Variants in NCKAP5 observed in about 807,000 individuals in gnomAD.
NCKAP5 encodes the protein nck-associated protein 5.
In NCKAP5, 92 loss-of-function variants were observed where a neutral mutation model predicts 167.0. The observed-to-expected ratio is 0.55, with a 90% confidence interval of 0.47 to 0.66. The LOEUF is 0.66. Among genes scored for constraint, NCKAP5 ranks in the 30% least tolerant of loss-of-function variants. The pLI, the probability that NCKAP5 is intolerant of heterozygous loss-of-function variation, is 0.00. For synonymous variants in NCKAP5, 891 were observed against 877.4 expected (o/e 1.02, Z -0.27); for missense variants, 2,378 against 2,315.0 (o/e 1.03, Z -0.56).
At chr2:133,672,643 C>T in the NCKAP5 span, among the ~76,000 whole-genome samples, 1 of 152,158 alleles carries the variant, frequency 6.6e-6, no homozygotes, top group Non-Finnish European at 1.5e-5. Flanking sequence ...GTCTCTGTTG[C>T]AACTACTCAG....
intron 4 of NCKAP5, among the ~76,000 whole-genome samples, chr2:133,282,274 C>T (rs1430924123): frequency 6.6e-6 from 1 of 152,124 alleles, no homozygotes; most frequent in Non-Finnish European, 1.5e-5. Flanking sequence ...TTTGTACCTG[C>T]CACCCTGGTC....
the NCKAP5 span, among the ~76,000 whole-genome samples, chr2:133,586,716 T>A: frequency 1.3e-5 from 2 of 150,088 alleles, no homozygotes; most frequent in Admixed American, 1.3e-4. Context: ...TGGGGTACAA[T>A]CATTGGCACT....
chr2:132,894,354 A>C (rs1692967089), intron 8 of NCKAP5, among the ~76,000 whole-genome samples: 1 of 152,242 alleles, frequency 6.6e-6, no homozygotes, highest in Non-Finnish European at 1.5e-5. Flanking sequence ...CAGGGCGATA[A>C]GGTCTTTAAT....
chr2:132,738,344 C>G (rs1691712693), intron 16 of NCKAP5, among the ~76,000 whole-genome samples: 1 of 152,208 alleles, frequency 6.6e-6, no homozygotes. Flanking sequence ...CACAGCATCA[C>G]TGGGCCTGAA....
chr2:132,680,973 T>C (rs749711199), intron 19 of NCKAP5, among the ~76,000 whole-genome samples: 34 of 152,216 alleles, frequency 2.2e-4, no homozygotes, highest in Admixed American at 3.9e-4. Flanking sequence ...CCTTTAATAA[T>C]GCTTCCGATT....
intron 6 of NCKAP5, 59 bp downstream of exon 6, chr2:133,129,919 G>T: frequency 6.7e-7 from 1 of 1,495,248 alleles, no homozygotes; most frequent in Non-Finnish European, 8.9e-7. Context: ...AATCCAAGGT[G>T]TTACTGGTGC....
chr2:133,482,178 A>C (rs893873102), intron 3 of NCKAP5, among the ~76,000 whole-genome samples: 4 of 151,920 alleles, frequency 2.6e-5, no homozygotes, highest in African/African-American at 9.7e-5. Context: ...ATGGGTGAAT[A>C]GTATTACATT....
At chr2:132,702,206 G>A (rs1444439417) in intron 19 of NCKAP5, among the ~76,000 whole-genome samples, 1 of 152,140 alleles carries the variant, frequency 6.6e-6, no homozygotes, top group Non-Finnish European at 1.5e-5. Context: ...AATAGGCAAT[G>A]CATGGGGTGG....
rs893468396 is a variant in NCKAP5, at chr2:133,501,472, T to TA, written c.69+15985dup. Among the ~76,000 whole-genome samples the TA allele has an allele frequency of 6.6e-5, 10 of 151,972 alleles. 1 individual carries two copies. The highest frequency in any genetic ancestry group is 2.2e-4 in the African/African-American group (9 of 41,382). On this transcript the variant is annotated intron_variant, in intron 3 of 19. Transcript: ENST00000409261. ...ATGATTTCTTTTGGAAGATTTCACC[T>TA]AAAAAAAAGTACTGGAACTTAGATT...
chr2:132,854,974 G>T (rs1476424783), intron 11 of NCKAP5, among the ~76,000 whole-genome samples: 1 of 152,064 alleles, frequency 6.6e-6, no homozygotes, highest in Non-Finnish European at 1.5e-5. Context: ...GAAAAATGAG[G>T]CTGTTGAAGT....
At chr2:133,304,284 C>T (rs903893371) in intron 3 of NCKAP5, among the ~76,000 whole-genome samples, 1 of 152,262 alleles carries the variant, frequency 6.6e-6, no homozygotes, top group Non-Finnish European at 1.5e-5. Flanking sequence ...CCTGGATCTA[C>T]CCATGCGGCC....
Position 132,785,143 on chromosome 2 carries a change from C to G in NCKAP5, c.1668G>C (p.Thr556=). 1 of 1,610,080 alleles carries G rather than the reference C, an allele frequency of 6.2e-7. No individual in the cohort carries two copies. Among genetic ancestry groups the G allele is most frequent in the Admixed American group, 1.7e-5 (1 of 59,078 alleles). The stretch of plus-strand genomic sequence containing the variant: ...GGCCCCTCTCCCTCTGTACCTGAGG[C>G]GTCTGCACACTTGGGCACAGCTTCA... ...LEMKLCPSVQ[T]PQVQRERGPQ... The change falls in exon 14 of 20, where the codon ACG becomes ACC. Residue 556 remains threonine (T), a synonymous_variant. Transcript: ENST00000409261.
chr2:133,028,979 G>A (rs1162980736), intron 6 of NCKAP5, among the ~76,000 whole-genome samples: 2 of 152,066 alleles, frequency 1.3e-5, no homozygotes, highest in African/African-American at 4.8e-5. Context: ...TTTGCCTTCC[G>A]CCATGATTGG....
chr2:133,267,616 T>G (rs1280439529), intron 4 of NCKAP5, among the ~76,000 whole-genome samples: 1 of 152,190 alleles, frequency 6.6e-6, no homozygotes, highest in African/African-American at 2.4e-5. Context: ...AACGCTGAAT[T>G]CCCCTTAGCC....
intron 3 of NCKAP5, among the ~76,000 whole-genome samples, chr2:133,352,965 CT>C (rs1435466168): frequency 3.3e-5 from 5 of 152,220 alleles, no homozygotes; most frequent in Non-Finnish European, 7.3e-5. Flanking sequence ...TCTCTTGTGA[CT>C]CCACAGCTCT....
intron 19 of NCKAP5, chr2:132,714,838 A>G (rs1213501925): frequency 1.6e-5 from 7 of 449,284 alleles, no homozygotes; most frequent in African/African-American, 1.4e-4. Context: ...AAATCAGTTA[A>G]TGACACAGCC....
At chr2:132,910,370 T>A (rs1694351550) in intron 8 of NCKAP5, among the ~76,000 whole-genome samples, 1 of 152,104 alleles carries the variant, frequency 6.6e-6, no homozygotes. Context: ...TTCCTATTTT[T>A]CTGTACCCAC....
At chr2:133,510,101 AT>A (rs1464979230) in intron 3 of NCKAP5, among the ~76,000 whole-genome samples, 5 of 152,142 alleles carry the variant, frequency 3.3e-5, no homozygotes, top group Non-Finnish European at 7.4e-5. Context: ...GACAAATGGC[AT>A]TTCTTCCAGA....
intron 3 of NCKAP5, among the ~76,000 whole-genome samples, chr2:133,440,557 A>G (rs1690770363): frequency 6.6e-6 from 1 of 151,804 alleles, no homozygotes; most frequent in South Asian, 2.1e-4. Flanking sequence ...AAAAATACAA[A>G]AAATTAGCCA....
Sources: gnomAD v4.1 joint callset for allele counts (sites outside exome capture counted in the v4.1 genomes callset) on GRCh38, gnomAD v4.1.1 for gene constraint, MANE v1.5 for transcripts, NCBI Gene and HGNC (gene_info 2026-07-23, HGNC 2026-07-21) for gene names.